POU6F2: variants seen among roughly 807,000 people sequenced by gnomAD.
POU6F2 encodes the protein POU domain, class 6, transcription factor 2.
A neutral mutation model predicts 71.3 loss-of-function variants in POU6F2; 31 were observed. The ratio of observed to expected loss-of-function variants is 0.43; its 90% CI spans 0.33 to 0.59. The LOEUF (loss-of-function observed/expected upper bound fraction) is 0.59, where lower values mean the gene tolerates loss of function less well. POU6F2 is among the 20% of genes least tolerant of loss of function. The probability of loss-of-function intolerance (pLI) is 0.04; values close to 1 mark genes in which losing one functional copy is unlikely to be tolerated. For missense variants in POU6F2, 783 were observed against 856.8 expected (o/e 0.91, Z 1.07); for synonymous variants, 347 against 355.7 (o/e 0.98, Z 0.27).
At chr7:39,298,183 G>A (rs1190781701) in intron 4 of POU6F2, among the ~76,000 whole-genome samples, 1 of 152,206 alleles carries the variant, frequency 6.6e-6, no homozygotes, top group Non-Finnish European at 1.5e-5. Flanking sequence ...CTAAACTAGA[G>A]AGCTTCTGCA....
chr7:39,357,434 C>G (rs1786284451), intron 5 of POU6F2, among the ~76,000 whole-genome samples: 1 of 152,188 alleles, frequency 6.6e-6, no homozygotes, highest in Non-Finnish European at 1.5e-5. Context: ...CATCAAAAGT[C>G]CCACAGTTTG....
intron 1 of POU6F2, among the ~76,000 whole-genome samples, chr7:39,037,344 C>T (rs762301920): frequency 2.6e-5 from 4 of 151,946 alleles, no homozygotes; most frequent in Non-Finnish European, 4.4e-5. Flanking sequence ...GCTGCTCTAA[C>T]TTATGCAACC....
chr7:39,430,367 A>G (rs906504173), intron 6 of POU6F2, among the ~76,000 whole-genome samples: 1 of 152,202 alleles, frequency 6.6e-6, no homozygotes, highest in Non-Finnish European at 1.5e-5. Flanking sequence ...AAAGGCACCA[A>G]TAGTCAGGTC....
intron 4 of POU6F2, among the ~76,000 whole-genome samples, chr7:39,313,896 A>T (rs1176016781): frequency 6.6e-6 from 1 of 152,194 alleles, no homozygotes; most frequent in Non-Finnish European, 1.5e-5. Flanking sequence ...CTTCCCTGCC[A>T]ATGGAGATTG....
At chr7:39,076,001 A>T (rs902056682) in intron 1 of POU6F2, among the ~76,000 whole-genome samples, 6 of 152,188 alleles carry the variant, frequency 3.9e-5, no homozygotes, top group Admixed American at 2.0e-4. Context: ...TGTTTCTGGA[A>T]GCAGCATATG....
intron 1 of POU6F2, among the ~76,000 whole-genome samples, chr7:39,062,070 T>C (rs777791425): frequency 2.6e-5 from 4 of 152,222 alleles, no homozygotes; most frequent in Non-Finnish European, 4.4e-5. Flanking sequence ...GAAACTGGTC[T>C]TCTCTTCTAC....
intron 6 of POU6F2, among the ~76,000 whole-genome samples, chr7:39,414,846 C>T (rs1287064749): frequency 6.6e-6 from 1 of 152,074 alleles, no homozygotes; most frequent in Non-Finnish European, 1.5e-5. Context: ...GTGCAGGCTG[C>T]CATGTACCAT....
Position 38,979,185 on chromosome 7 carries a change from T to C in POU6F2, c.105+1127T>C, listed in dbSNP as rs766618739. On this transcript the variant is annotated intron_variant, in intron 1 of 9. Coordinates refer to ENST00000518318, the MANE Select transcript of POU6F2 (RefSeq NM_001370959.1). ...TCATAAACCAGACTATGGTCACGAA[T>C]ATTTATAAACTCCTAAAAGTTTTTT... Among the ~76,000 whole-genome samples, 19 of 127,870 alleles carry C rather than the reference T, an allele frequency of 1.5e-4. 1 individual carries two copies. The highest frequency in any genetic ancestry group is 2.8e-4 in the Non-Finnish European group (17 of 60,772). The allele number at this position is 127,870 out of a possible 152,430, so 83.9% of individuals were successfully genotyped here. A position where few individuals can be genotyped will look rare whatever the true frequency, so the allele number is the denominator to read the frequency against.
chr7:39,019,390 C>T (rs1461351104), intron 1 of POU6F2, among the ~76,000 whole-genome samples: 2 of 152,082 alleles, frequency 1.3e-5, no homozygotes, highest in South Asian at 2.1e-4. Flanking sequence ...TCCTTGTGTT[C>T]CGAAATTTTA....
At chr7:39,311,331 C>T (rs1410764915) in intron 4 of POU6F2, among the ~76,000 whole-genome samples, 3 of 151,694 alleles carry the variant, frequency 2.0e-5, no homozygotes, top group Non-Finnish European at 2.9e-5. Flanking sequence ...CTGCTCAAAA[C>T]TCTCCTGTGG....
At chr7:39,383,272 G>A (rs1445259586) in intron 5 of POU6F2, among the ~76,000 whole-genome samples, 1 of 152,162 alleles carries the variant, frequency 6.6e-6, no homozygotes, top group Non-Finnish European at 1.5e-5. Context: ...CCATGCACAA[G>A]ATTAAAATTG....
chr7:39,156,009 AT>A, intron 2 of POU6F2, among the ~76,000 whole-genome samples: 1 of 152,240 alleles, frequency 6.6e-6, no homozygotes, highest in South Asian at 2.1e-4. Context: ...GGGTCACATT[AT>A]TTTTCATATT....
rs10275109 is a variant in POU6F2, at chr7:39,200,624, C to A, written c.278-3611C>A. Among the ~76,000 whole-genome samples the A allele has an allele frequency of 9.4e-3, 1,432 of 152,180 alleles. 23 individuals are homozygous for A. Among genetic ancestry groups the A allele is most frequent in the African/African-American group, 0.033 (1,373 of 41,510 alleles). ...GTCAGTGTGCAAGAGAATGTAAATT[C>A]CACACAAAGGGACAGAGGGGCAGGA... On this transcript the variant is annotated intron_variant, in intron 2 of 9. Coordinates refer to ENST00000518318, the MANE Select transcript of POU6F2 (RefSeq NM_001370959.1).
At chr7:39,417,842 GATATTTAATCTTCCTC>G (rs1411871837) in intron 6 of POU6F2, among the ~76,000 whole-genome samples, 6 of 152,176 alleles carry the variant, frequency 3.9e-5, no homozygotes, top group Non-Finnish European at 8.8e-5. Flanking sequence ...CCGCTGGCAA[GATATTTAATCTTCCTC>G]AGCTAAAGTT....
At chr7:39,051,098 A>C (rs12531458) in intron 1 of POU6F2, among the ~76,000 whole-genome samples, 74,842 of 151,974 alleles carry the variant, frequency 0.49, 19,001 homozygotes, top group East Asian at 0.88. Context: ...GACACCTCAT[A>C]TAGCCTAGCC....
intron 1 of POU6F2, among the ~76,000 whole-genome samples, chr7:38,998,047 T>C (rs1788789065): frequency 6.6e-6 from 1 of 152,162 alleles, no homozygotes; most frequent in African/African-American, 2.4e-5. Flanking sequence ...TTTAGAAAAA[T>C]GGGAAAAACA....
At chr7:39,393,660 C>T (rs950771404) in intron 5 of POU6F2, among the ~76,000 whole-genome samples, 3 of 151,982 alleles carry the variant, frequency 2.0e-5, no homozygotes, top group Non-Finnish European at 4.4e-5. Context: ...ATCGTATGGC[C>T]CAAATGTAGT....
chr7:39,051,500 G>T (rs1324272677), intron 1 of POU6F2, among the ~76,000 whole-genome samples: 2 of 152,122 alleles, frequency 1.3e-5, no homozygotes, highest in Admixed American at 6.6e-5. Context: ...CTTGAGGAAT[G>T]ATTACATTTC....
intron 1 of POU6F2, among the ~76,000 whole-genome samples, chr7:39,075,008 A>G (rs1216797501): frequency 6.6e-6 from 1 of 152,032 alleles, no homozygotes. Context: ...GGTGAACCCA[A>G]CTACAGGCTC....
Sources: gnomAD v4.1 joint callset for allele counts (sites outside exome capture counted in the v4.1 genomes callset) on GRCh38, gnomAD v4.1.1 for gene constraint, MANE v1.5 for transcripts, NCBI Gene and HGNC (gene_info 2026-07-23, HGNC 2026-07-21) for gene names.